The following PHKA2 variants were observed in gnomAD, a reference collection of about 807,000 sequenced individuals.
PHKA2 encodes the protein phosphorylase kinase regulatory subunit alpha 2, also known as phosphorylase b kinase regulatory subunit alpha, liver isoform.
PHKA2 carries 31 observed loss-of-function variants against 102.0 expected under a neutral mutation model. The ratio of observed to expected loss-of-function variants is 0.30; its 90% confidence interval spans 0.23 to 0.41. PHKA2 has a LOEUF of 0.41. Ranked by LOEUF, PHKA2 falls within the 10% of genes least tolerant of loss-of-function variation. The probability of loss-of-function intolerance (pLI) is 1.00; values close to 1 mark genes in which losing one functional copy is unlikely to be tolerated. For missense variants in PHKA2, 858 were observed against 1,023.1 expected, an observed-to-expected ratio of 0.84 and a Z score of 2.20; for synonymous variants, 455 against 416.2, an observed-to-expected ratio of 1.09 and a Z score of -1.13.
Position 18,918,835 on chromosome X carries a change from G to A in PHKA2, c.1983C>T (p.Asp661=). The A allele has an allele frequency of 8.3e-7, 1 of 1,210,843 alleles. No individual in the cohort carries two copies. The highest frequency in any genetic ancestry group is 1.1e-6 in the Non-Finnish European group (1 of 894,901). The change falls in exon 19 of 33, where the codon GAC becomes GAT. Residue 661 remains aspartate, a synonymous_variant. Coordinates refer to ENST00000379942, the MANE Select transcript of PHKA2 (RefSeq NM_000292.3). ...TCNQESQDEL[D]HYINHLLQST... ...TTTGCAGAAGGTGGTTGATATAATG[G>A]TCAAGTTCGTCTTGGCTTTCTGTAA...
chrX:18,977,214 G>C (rs896028012), intron 1 of PHKA2, among the ~76,000 whole-genome samples: 2 of 110,858 alleles, frequency 1.8e-5, no homozygotes, highest in African/African-American at 6.7e-5. Context: ...ATCAGCAATT[G>C]TTTGTTATTG....
rs761308555 is a variant in PHKA2, at chrX:18,910,970, A to G, written c.2138-10T>C. 4 of 1,109,370 alleles carry G rather than the reference A, an allele frequency of 3.6e-6. No individual in the cohort carries two copies. The Admixed American group carries it at 6.8e-5, about 19-fold the overall frequency. The allele number at this position is 1,109,370 out of a possible 1,213,427, so 91.4% of individuals were successfully genotyped here. ...AAAGTCATGGGAACAACTGGAAAAC[A>G]AAAGAATAAAGAGAGTTATTCTGAG... On this transcript the variant is annotated splice_polypyrimidine_tract_variant and intron_variant, in intron 19 of 32. Transcript: ENST00000379942.
chrX:18,897,130 T>C lies in PHKA2; in HGVS notation c.3282+33A>G. On this transcript the variant is annotated intron_variant, in intron 30 of 32. Transcript: ENST00000379942. ...CCTTGCCAGGACAGTAAGGGGACGG[T>C]TCACTTCCCCAGGAGCTCGCGTCTC... The C allele has an allele frequency of 8.3e-7, 1 of 1,202,505 alleles. No individual in the cohort carries two copies. Among genetic ancestry groups the C allele is most frequent in the Non-Finnish European group, 1.1e-6 (1 of 887,404 alleles).
chrX:18,966,338 C>T (rs57701957), intron 1 of PHKA2, among the ~76,000 whole-genome samples: 6,183 of 109,818 alleles, frequency 0.056, 431 homozygotes, highest in African/African-American at 0.19. Context: ...GTGATCCCCC[C>T]GCCTTGGCCT....
intron 1 of PHKA2, among the ~76,000 whole-genome samples, chrX:18,982,956 G>A (rs913852792): frequency 7.1e-5 from 8 of 112,281 alleles, no homozygotes; most frequent in African/African-American, 2.3e-4. Context: ...AGAGTGCTTT[G>A]CATATAACAG....
intron 29 of PHKA2, 128 bp from the exon 30 acceptor site, chrX:18,897,461 C>A: frequency 1.7e-6 from 1 of 574,797 alleles, no homozygotes. Context: ...GAGAGGAACA[C>A]GGTTCCTCCA....
chrX:18,970,069 G>A (rs1041795535), intron 1 of PHKA2, among the ~76,000 whole-genome samples: 2 of 109,905 alleles, frequency 1.8e-5, no homozygotes, highest in Admixed American at 9.7e-5. Context: ...GTGCGACCTC[G>A]TTTCCACAAA....
intron 10 of PHKA2, among the ~76,000 whole-genome samples, chrX:18,936,782 G>C (rs1348958556): frequency 2.7e-5 from 3 of 112,147 alleles, no homozygotes; most frequent in Non-Finnish European, 5.6e-5. Flanking sequence ...CTCATGTGTG[G>C]GCGCTAAAAA....
At chrX:18,950,031 G>A (rs1435234870) in intron 4 of PHKA2, among the ~76,000 whole-genome samples, 1 of 111,915 alleles carries the variant, frequency 8.9e-6, no homozygotes, top group Non-Finnish European at 1.9e-5. Flanking sequence ...ACCTGGGGGA[G>A]CATCTGTGGC....
intron 20 of PHKA2, among the ~76,000 whole-genome samples, chrX:18,910,278 C>A: frequency 8.9e-6 from 1 of 111,894 alleles, no homozygotes. Context: ...CCAGGAATTC[C>A]AGACCAGTCT....
chrX:18,903,331 T>C (rs1292049886), intron 26 of PHKA2, among the ~76,000 whole-genome samples: 1 of 112,643 alleles, frequency 8.9e-6, no homozygotes, highest in Non-Finnish European at 1.9e-5. Context: ...TCATGACTAA[T>C]GTGTAGGACC....
Position 18,931,824 on chromosome X carries a change from C to T in PHKA2, c.1138-76G>A, listed in dbSNP as rs2147934953. ...ATGATACCTGACCATGGGGAATGCA[C>T]TGAGGATTTATGAAATGGTACTCAT... On this transcript the variant is annotated intron_variant, in intron 11 of 32. Coordinates refer to ENST00000379942, the MANE Select transcript of PHKA2 (RefSeq NM_000292.3). 1.3e-5 allele frequency: 9 copies of T among 705,053 alleles called. No individual in the cohort carries two copies. In the South Asian group the frequency reaches 1.9e-4, roughly 15 times the overall value. 58.1% of individuals were successfully genotyped at this position (705,053 alleles called of 1,213,427 possible). A position where few individuals can be genotyped will look rare whatever the true frequency, so the allele number is the denominator to read the frequency against.
chrX:18,950,940 C>T (rs1240627712), intron 4 of PHKA2, among the ~76,000 whole-genome samples, 164 bp downstream of exon 4: 2 of 112,364 alleles, frequency 1.8e-5, no homozygotes, highest in South Asian at 7.3e-4. Context: ...TCCAGAACTG[C>T]GAGAAAAAGC....
chrX:18,950,177 CCTACTCAGCCCGCTGAGTAGCGGG>C (rs1296036457), intron 4 of PHKA2, among the ~76,000 whole-genome samples: 7 of 111,898 alleles, frequency 6.3e-5, no homozygotes, highest in African/African-American at 1.3e-4. Context: ...AAACTGTGAG[CCTACTCAGCCCGCTGAGTAGCGGG>C]CTGCTCAGCC....
Position 18,984,011 on chromosome X carries a change from C to G in PHKA2, c.-79G>C, listed in dbSNP as rs950638576. On this transcript the variant is annotated 5_prime_UTR_variant, in exon 1 of 33. Coordinates refer to ENST00000379942, the MANE Select transcript of PHKA2 (RefSeq NM_000292.3). The stretch of plus-strand genomic sequence containing the variant: ...TCGGGGCTGTGGCCTCCAAGCGGGT[C>G]TGGTTCCCGGACACTCACAGCCTTA... 1.2e-5 allele frequency: 10 copies of G among 853,957 alleles called. No homozygotes were observed. Among genetic ancestry groups the G allele is most frequent in the Non-Finnish European group, 1.7e-5 (10 of 572,624 alleles). The allele number at this position is 853,957 out of a possible 1,213,427, so 70.4% of individuals were successfully genotyped here. A position where few individuals can be genotyped will look rare whatever the true frequency, so the allele number is the denominator to read the frequency against.
intron 20 of PHKA2, among the ~76,000 whole-genome samples, chrX:18,909,771 T>TACA (rs2047890027): frequency 8.9e-6 from 1 of 112,362 alleles, no homozygotes; most frequent in South Asian, 3.7e-4. Context: ...CTAATCACCT[T>TACA]TGTATGCTTT....
At chrX:18,911,886 T>C (rs749870562) in intron 19 of PHKA2, among the ~76,000 whole-genome samples, 10 of 111,996 alleles carry the variant, frequency 8.9e-5, no homozygotes, top group Non-Finnish European at 1.9e-4. Flanking sequence ...ATGAGGAAAC[T>C]GAGAGACCCA....
rs901937287 is a variant in PHKA2, at chrX:18,906,779, T to C, written c.2633A>G (p.Tyr878Cys). 1 of 1,211,397 alleles carries C rather than the reference T, an allele frequency of 8.3e-7. No individual in the cohort carries two copies. Among genetic ancestry groups the C allele is most frequent in the Non-Finnish European group, 1.1e-6 (1 of 894,914 alleles). Residue 878 changes from tyrosine (Y) to cysteine (C), a missense_variant, in exon 24 of 33, where the codon TAC becomes TGC. This residue lies in a region of PHKA2 where 671 missense variants were observed against 745.2 expected (regional missense o/e 0.90). Coordinates refer to ENST00000379942, the MANE Select transcript of PHKA2 (RefSeq NM_000292.3). ...LPPEELTKLI[Y>C]EASGQDISIA... ...GCTGATGTCCTGCCCACTGGCCTCG[T>C]AGATGAGTTTTGTGAGCTCCTCTGG...
In PHKA2 at chrX:18,941,791, G is replaced by A; in HGVS notation, c.718-116C>T. The A allele has an allele frequency of 5.0e-5, 28 of 560,423 alleles. No individual in the cohort carries two copies. The South Asian group carries it at 6.8e-4, about 14-fold the overall frequency. The allele number at this position is 560,423 out of a possible 1,213,427, so 46.2% of individuals were successfully genotyped here. On this transcript the variant is annotated intron_variant, in intron 7 of 32. Coordinates refer to ENST00000379942, the MANE Select transcript of PHKA2 (RefSeq NM_000292.3). Reference sequence around the variant, plus strand: ...CGAATACGGTTGCCAATTTTGAGTAGAGCTTTGTCCTACCAACATGGCCCC... The same window carrying A: ...CGAATACGGTTGCCAATTTTGAGTAAAGCTTTGTCCTACCAACATGGCCCC...
Sources: gnomAD v4.1 joint callset for allele counts (sites outside exome capture counted in the v4.1 genomes callset) on GRCh38, gnomAD v4.1.1 for gene constraint, gnomAD v4.1.1 regional missense constraint, MANE v1.5 for transcripts, NCBI Gene and HGNC (gene_info 2026-07-23, HGNC 2026-07-21) for gene names.